NR1D2: variants seen among roughly 807,000 people sequenced by gnomAD.
NR1D2 encodes the protein V-erbA-related protein 1-related.
A neutral mutation model predicts 52.2 loss-of-function variants in NR1D2; 25 were observed. That is an observed-to-expected ratio of 0.48 (90% CI 0.35 to 0.67). NR1D2 has a LOEUF of 0.67. Ranked by LOEUF, NR1D2 falls within the 30% of genes least tolerant of loss-of-function variation. The pLI is 0.01. For synonymous variants in NR1D2, 259 were observed against 230.1 expected, an observed-to-expected ratio of 1.13 and a Z score of -1.14; for missense variants, 681 against 707.2, an observed-to-expected ratio of 0.96 and a Z score of 0.42.
chr3:23,971,638 TTA>T (rs1218297017), intron 7 of NR1D2, among the ~76,000 whole-genome samples: 2 of 152,154 alleles, frequency 1.3e-5, no homozygotes, highest in Non-Finnish European at 2.9e-5. Flanking sequence ...CTCAATTTTT[TTA>T]TGTTTTATTT....
chr3:23,954,049 A>T (rs1023292411), intron 1 of NR1D2, among the ~76,000 whole-genome samples: 1 of 152,202 alleles, frequency 6.6e-6, no homozygotes, highest in Non-Finnish European at 1.5e-5. Flanking sequence ...TCTCCAGGCT[A>T]GAGTGCAGTA....
intron 7 of NR1D2, among the ~76,000 whole-genome samples, chr3:23,973,394 C>G (rs1279229178): frequency 6.6e-6 from 1 of 152,180 alleles, no homozygotes; most frequent in Non-Finnish European, 1.5e-5. Flanking sequence ...TGTTACTGTG[C>G]TGAGTACTGC....
chr3:23,947,291 C>A (rs1040772890), intron 1 of NR1D2, among the ~76,000 whole-genome samples: 1 of 152,204 alleles, frequency 6.6e-6, no homozygotes, highest in African/African-American at 2.4e-5. Context: ...TCCAATACTT[C>A]GCTGATCTAA....
chr3:23,956,936 G>A (rs1364956033), intron 3 of NR1D2, among the ~76,000 whole-genome samples: 1 of 152,008 alleles, frequency 6.6e-6, no homozygotes, highest in Non-Finnish European at 1.5e-5. Context: ...TATACATGAT[G>A]GGAGAGGAAA....
intron 3 of NR1D2, among the ~76,000 whole-genome samples, chr3:23,957,323 A>T (rs1182884152): frequency 6.6e-6 from 1 of 151,506 alleles, no homozygotes; most frequent in African/African-American, 2.4e-5. Flanking sequence ...TTGTAAGACA[A>T]GTCAGTATTT....
At chr3:23,957,745 A>G (rs946049790) in intron 3 of NR1D2, among the ~76,000 whole-genome samples, 3 of 152,034 alleles carry the variant, frequency 2.0e-5, no homozygotes, top group Non-Finnish European at 4.4e-5. Context: ...AAGTGAAGTA[A>G]TATTGGGGAA....
At chr3:23,969,404 G>T (rs1268742000) in intron 7 of NR1D2, among the ~76,000 whole-genome samples, 2 of 152,150 alleles carry the variant, frequency 1.3e-5, no homozygotes, top group Non-Finnish European at 2.9e-5. Context: ...TACCTTTTCT[G>T]ACCAGCTCTA....
intron 4 of NR1D2, 61 bp downstream of exon 4, chr3:23,959,876 C>T (rs947387517): frequency 6.7e-7 from 1 of 1,501,564 alleles, no homozygotes; most frequent in Non-Finnish European, 9.0e-7. Flanking sequence ...TATTCCTCAT[C>T]ATGAACCAGA....
Position 23,959,757 on chromosome 3 carries a change from G to A in NR1D2, c.459G>A (p.Arg153=), listed in dbSNP as rs754021224. The change falls in exon 4 of 8, where the codon AGG becomes AGA. Residue 153 remains arginine (R), a synonymous_variant. Transcript: ENST00000312521. The part of the protein sequence containing the change: ...NENCSIMRMN[R]NRCQQCRFKK... ...ACTGTTCTATAATGAGAATGAATAG[G>A]AACAGATGTCAGCAATGTCGCTTCA... 6.2e-7 allele frequency: 1 copy of A among 1,613,870 alleles called. No homozygotes were observed. The highest frequency in any genetic ancestry group is 8.5e-7 in the Non-Finnish European group (1 of 1,179,920).
intron 6 of NR1D2, among the ~76,000 whole-genome samples, chr3:23,965,522 A>G (rs1706419986): frequency 6.6e-6 from 1 of 151,432 alleles, no homozygotes; most frequent in Non-Finnish European, 1.5e-5. Flanking sequence ...TGCTGGGATT[A>G]CAGGTCTGAG....
At chr3:23,949,387 AC>A (rs1426188175) in intron 1 of NR1D2, among the ~76,000 whole-genome samples, 4 of 151,938 alleles carry the variant, frequency 2.6e-5, no homozygotes, top group African/African-American at 9.7e-5. Flanking sequence ...AACAAAAAAC[AC>A]ACCATTTATT....
Position 23,957,405 on chromosome 3 carries a change from T to TC in NR1D2, c.372+1280_372+1281insC, listed in dbSNP as rs1460179966. ...CTCTATATATCTTTTTTTTTTTTTT[T>TC]TTTTTTTTTTACAAAAATGTGAAGT... On this transcript the variant is annotated intron_variant, in intron 3 of 7. Transcript: ENST00000312521. Among the ~76,000 whole-genome samples, 641 of 147,336 alleles carry TC rather than the reference T, an allele frequency of 4.4e-3. 3 individuals carry two copies. The highest frequency in any genetic ancestry group is 0.016 in the African/African-American group (628 of 40,176).
Position 23,978,529 on chromosome 3 carries a change from C to A in NR1D2, c.*1110C>A, listed in dbSNP as rs1244202846. 6.6e-6 allele frequency: 1 copy of A among 151,466 alleles called. No individual in the cohort carries two copies. Among genetic ancestry groups the A allele is most frequent in the Non-Finnish European group, 1.5e-5 (1 of 67,882 alleles). The allele number at this position is 151,466 out of a possible 1,614,324, so 9.4% of individuals were successfully genotyped here. A position where few individuals can be genotyped will look rare whatever the true frequency, so the allele number is the denominator to read the frequency against. On this transcript the variant is annotated 3_prime_UTR_variant, in exon 8 of 8. Coordinates refer to ENST00000312521, the MANE Select transcript of NR1D2 (RefSeq NM_005126.5). ...TTTTAGAGTTCATCTTTGGCAAAAT[C>A]TTTGGTTCAGGGTACTAGTTGTTTA...
intron 1 of NR1D2, among the ~76,000 whole-genome samples, chr3:23,945,810 C>CGGCGCCCGGCCCGG (rs1705663547): frequency 6.6e-6 from 1 of 150,376 alleles, no homozygotes; most frequent in African/African-American, 2.4e-5. Context: ...GCGCGGCCTG[C>CGGCGCCCGGCCCGG]CGGCGCCCGG....
At position 23,979,132 on chromosome 3, in the gene NR1D2, C is replaced by T. The variant is rs914065066; in HGVS notation, c.*1713C>T. 1 of 151,944 alleles carries T rather than the reference C, an allele frequency of 6.6e-6. No homozygotes were observed. Among genetic ancestry groups the T allele is most frequent in the Non-Finnish European group, 1.5e-5 (1 of 67,930 alleles). The allele number at this position is 151,944 out of a possible 1,614,324, so 9.4% of individuals were successfully genotyped here. On this transcript the variant is annotated 3_prime_UTR_variant, in exon 8 of 8. Transcript: ENST00000312521. ...TGTAATCTTGTTTAACTTGTTGCTA[C>T]TGGGACTTGATTTACTGTGGCACTA...
chr3:23,955,531 A>G (rs1397713206), intron 2 of NR1D2, among the ~76,000 whole-genome samples: 1 of 152,198 alleles, frequency 6.6e-6, no homozygotes, highest in Non-Finnish European at 1.5e-5. Flanking sequence ...AGTTGTATTT[A>G]AAAGAAAATT....
chr3:23,973,640 C>T lies in NR1D2; in HGVS notation c.1544-3583C>T, dbSNP rs138770980. Among the ~76,000 whole-genome samples the T allele has an allele frequency of 2.2e-3, 329 of 152,166 alleles. 2 individuals carry two copies. The highest frequency in any genetic ancestry group is 2.5e-3 in the Non-Finnish European group (172 of 68,022). On this transcript the variant is annotated intron_variant, in intron 7 of 7. Coordinates refer to ENST00000312521, the MANE Select transcript of NR1D2 (RefSeq NM_005126.5). ...TGTAGACTTAATCACTGAACACGTA[C>T]GGTACACTAAATTTATTAAAATTTT...
Position 23,978,312 on chromosome 3 carries a change from A to G in NR1D2, c.*893A>G, listed in dbSNP as rs1706791139. On this transcript the variant is annotated 3_prime_UTR_variant, in exon 8 of 8. Coordinates refer to ENST00000312521, the MANE Select transcript of NR1D2 (RefSeq NM_005126.5). Reference sequence around the variant, plus strand: ...AGAACTTTATCATACAGGAAACTTAAAACAAGAGGTGTCAAAAGACCCAAA... The same window carrying G: ...AGAACTTTATCATACAGGAAACTTAGAACAAGAGGTGTCAAAAGACCCAAA... 2 of 152,278 alleles carry G rather than the reference A, an allele frequency of 1.3e-5. No individual in the cohort carries two copies. The highest frequency in any genetic ancestry group is 2.1e-4 in the South Asian group (1 of 4,828). The allele number at this position is 152,278 out of a possible 1,614,324, so 9.4% of individuals were successfully genotyped here. A position where few individuals can be genotyped will look rare whatever the true frequency, so the allele number is the denominator to read the frequency against.
At chr3:23,959,531 A>C in intron 3 of NR1D2, 140 bp from the exon 4 acceptor site, 1 of 718,598 alleles carries the variant, frequency 1.4e-6, no homozygotes, top group South Asian at 2.0e-5. Context: ...CTCTGTCCTA[A>C]GACATAGTGT....
Sources: allele counts gnomAD v4.1 joint callset (sites outside exome capture counted in the v4.1 genomes callset), GRCh38; gene constraint gnomAD v4.1.1; transcripts MANE v1.5; gene names NCBI Gene and HGNC (gene_info 2026-07-23, HGNC 2026-07-21).